The following TIGAR variants were observed in gnomAD, a reference collection of about 807,000 sequenced individuals.
The protein encoded by TIGAR is TP53 induced glycolysis regulatory phosphatase, also known as fructose-2,6-bisphosphatase TIGAR.
In TIGAR, 7 loss-of-function variants were observed where a neutral mutation model predicts 17.9. That is an observed-to-expected ratio of 0.39 (90% CI 0.22 to 0.73). The LOEUF (loss-of-function observed/expected upper bound fraction) is 0.73. TIGAR is among the 30% of genes least tolerant of loss of function. TIGAR has a pLI of 0.42. For missense variants in TIGAR, 258 were observed against 327.4 expected (o/e 0.79, Z 1.64); for synonymous variants, 94 against 108.6 (o/e 0.87, Z 0.84).
At chr12:4,324,692 A>G (rs903909504) in intron 1 of TIGAR, 4 of 928,912 alleles carry the variant, frequency 4.3e-6, no homozygotes, top group African/African-American at 1.6e-5. Context: ...GGCCGCTGGC[A>G]CGCACTGTAC....
At chr12:4,332,238 C>CTTTTCTTTT (rs1555092397) in intron 2 of TIGAR, among the ~76,000 whole-genome samples, 17 of 95,330 alleles carry the variant, frequency 1.8e-4, no homozygotes, top group African/African-American at 6.4e-4. Flanking sequence ...TCATGTATTT[C>CTTTTCTTTT]TTTTTTTTTT....
In TIGAR at chr12:4,359,788, T is replaced by A. The variant is rs1421587606; in HGVS notation, c.*7097T>A. Among the ~76,000 whole-genome samples the A allele has an allele frequency of 6.6e-6, 1 of 152,182 alleles. No homozygotes were observed. The highest frequency in any genetic ancestry group is 1.5e-5 in the Non-Finnish European group (1 of 68,014). On this transcript the variant is annotated 3_prime_UTR_variant, in exon 6 of 6. Coordinates refer to ENST00000179259, the MANE Select transcript of TIGAR (RefSeq NM_020375.3). Reference sequence around the variant, plus strand: ...TTAGTTTTATAAGACACTTGCCAGATCTTTTTCCATGGTGGTTGTACCATT... The same window carrying A: ...TTAGTTTTATAAGACACTTGCCAGAACTTTTTCCATGGTGGTTGTACCATT...
rs1303103731 is a variant in TIGAR, at chr12:4,357,593, G to T, written c.*4902G>T. Among the ~76,000 whole-genome samples, 1 of 152,156 alleles carries T rather than the reference G, an allele frequency of 6.6e-6. No individual in the cohort carries two copies. The highest frequency in any genetic ancestry group is 2.4e-5 in the African/African-American group (1 of 41,418). On this transcript the variant is annotated 3_prime_UTR_variant, in exon 6 of 6. Coordinates refer to ENST00000179259, the MANE Select transcript of TIGAR (RefSeq NM_020375.3). ...AGTTCCTTTGTGTCCAAACAAGATG[G>T]CTAAGTAGGTCGTCATGACAGGTAA...
At chr12:4,340,144 G>A (rs543164405) in intron 3 of TIGAR, among the ~76,000 whole-genome samples, 1 of 152,304 alleles carries the variant, frequency 6.6e-6, no homozygotes, top group East Asian at 1.9e-4. Context: ...GCAGATGATA[G>A]GATCTTATAT....
chr12:4,325,161 C>T lies in TIGAR; in HGVS notation c.32+3858C>T, dbSNP rs1018127255. On this transcript the variant is annotated intron_variant, in intron 1 of 5. Coordinates refer to ENST00000179259, the MANE Select transcript of TIGAR (RefSeq NM_020375.3). ...TTCTCCATTTTGGTCAGGCTGGTCT[C>T]GAACTCCCGACCTCTGGTGATCCGC... 2.0e-5 allele frequency among the ~76,000 whole-genome samples: 3 copies of T among 151,892 alleles called. No homozygotes were observed. The East Asian group carries it at 5.9e-4, about 30-fold the overall frequency.
At chr12:4,327,519 A>G (rs1290304812) in intron 1 of TIGAR, among the ~76,000 whole-genome samples, 1 of 152,136 alleles carries the variant, frequency 6.6e-6, no homozygotes, top group Non-Finnish European at 1.5e-5. Context: ...GCAGCCCATA[A>G]TTGGCTGAAA....
In TIGAR at chr12:4,357,916, A is replaced by T. The variant is rs534645464; in HGVS notation, c.*5225A>T. Among the ~76,000 whole-genome samples, 6 of 151,366 alleles carry T rather than the reference A, an allele frequency of 4.0e-5. No homozygotes were observed. The South Asian group carries it at 8.4e-4, about 21-fold the overall frequency. On this transcript the variant is annotated 3_prime_UTR_variant, in exon 6 of 6. Transcript: ENST00000179259. ...CAGGAGATAGAGACCATCCTGGCTA[A>T]CACAGTGAAACCTCGTCTCCACTGA...
intron 2 of TIGAR, among the ~76,000 whole-genome samples, chr12:4,334,617 T>G (rs760874119): frequency 6.6e-6 from 1 of 152,256 alleles, no homozygotes; most frequent in Admixed American, 6.5e-5. Context: ...GGCATTTAAA[T>G]TTATGAATAT....
chr12:4,335,929 TG>T (rs1295982891), intron 2 of TIGAR, among the ~76,000 whole-genome samples: 2 of 152,258 alleles, frequency 1.3e-5, no homozygotes, highest in African/African-American at 2.4e-5. Context: ...AAGATCTATT[TG>T]GTTATTTTAG....
intron 3 of TIGAR, among the ~76,000 whole-genome samples, chr12:4,341,972 A>C (rs993289577): frequency 6.6e-6 from 1 of 152,222 alleles, no homozygotes; most frequent in Admixed American, 6.5e-5. Context: ...CATTGCAAAG[A>C]AGTTAAAAAC....
intron 3 of TIGAR, among the ~76,000 whole-genome samples, chr12:4,347,029 G>C (rs1161022371): frequency 6.6e-6 from 1 of 152,142 alleles, no homozygotes; most frequent in Non-Finnish European, 1.5e-5. Flanking sequence ...GCTACCATGT[G>C]ATCCAGAAGT....
At chr12:4,348,739 G>T (rs1864807261) in intron 3 of TIGAR, among the ~76,000 whole-genome samples, 1 of 152,180 alleles carries the variant, frequency 6.6e-6, no homozygotes, top group Non-Finnish European at 1.5e-5. Flanking sequence ...TGTCTAATTT[G>T]TTGGGAAATG....
At chr12:4,339,976 A>G (rs1864702026) in intron 3 of TIGAR, among the ~76,000 whole-genome samples, 1 of 152,238 alleles carries the variant, frequency 6.6e-6, no homozygotes, top group Admixed American at 6.5e-5. Context: ...GAGTGAGGAG[A>G]AACTGAAAGC....
rs1163037154 is a variant in TIGAR, at chr12:4,354,873, A to C, written c.*2182A>C. ...CAGCCTCCTGAGTAGCTGGGACTAC[A>C]GGCATGCACCACCACGCCTGGCCTT... On this transcript the variant is annotated 3_prime_UTR_variant, in exon 6 of 6. Coordinates refer to ENST00000179259, the MANE Select transcript of TIGAR (RefSeq NM_020375.3). Among the ~76,000 whole-genome samples, 1 of 150,038 alleles carries C rather than the reference A, an allele frequency of 6.7e-6. No individual in the cohort carries two copies. The highest frequency in any genetic ancestry group is 1.5e-5 in the Non-Finnish European group (1 of 67,778).
rs78482314 is a variant in TIGAR at position 4,330,113 on chromosome 12, C to T, written c.33-1167C>T. 9.3e-3 allele frequency among the ~76,000 whole-genome samples: 1,416 copies of T among 152,104 alleles called. 18 individuals carry two copies. The highest frequency in any genetic ancestry group is 0.032 in the African/African-American group (1,308 of 41,474). On this transcript the variant is annotated intron_variant, in intron 1 of 5. Coordinates refer to ENST00000179259, the MANE Select transcript of TIGAR (RefSeq NM_020375.3). The stretch of plus-strand genomic sequence containing the variant: ...TTTTTGTAAACAAGCGGCAAGATTC[C>T]AGGATGAGGCCTGAGTTTGTGATTC...
In TIGAR at chr12:4,321,267, G is replaced by T; in HGVS notation, c.-5G>T. 6.2e-7 allele frequency: 1 copy of T among 1,601,192 alleles called. No homozygotes were observed. ...GGGCCACCGACGGGACGCGGCTCCG[G>T]GAACATGGCTCGCTTCGCTCTGACT... On this transcript the variant is annotated 5_prime_UTR_variant, in exon 1 of 6. Coordinates refer to ENST00000179259, the MANE Select transcript of TIGAR (RefSeq NM_020375.3). The surrounding 1 kb of genome is among the most constrained non-coding windows in gnomAD (Gnocchi z 5.2).
chr12:4,339,043 A>G (rs1353718787), intron 3 of TIGAR, among the ~76,000 whole-genome samples: 1 of 151,614 alleles, frequency 6.6e-6, no homozygotes, highest in East Asian at 1.9e-4. Flanking sequence ...ATCCAAAATT[A>G]TTAGAAGAAA....
At chr12:4,327,347 T>G (rs1363528699) in intron 1 of TIGAR, among the ~76,000 whole-genome samples, 1 of 147,448 alleles carries the variant, frequency 6.8e-6, no homozygotes, top group Non-Finnish European at 1.5e-5. Context: ...AGTTGGAGAT[T>G]GCAGTGAGCC....
chr12:4,342,219 A>G (rs565400879), intron 3 of TIGAR, among the ~76,000 whole-genome samples: 1 of 152,360 alleles, frequency 6.6e-6, no homozygotes, highest in South Asian at 2.1e-4. Context: ...AAAGCCTCCA[A>G]GAAATATGGG....
Sources: allele counts gnomAD v4.1 joint callset (sites outside exome capture counted in the v4.1 genomes callset), GRCh38; gene constraint gnomAD v4.1.1; non-coding constraint Gnocchi (gnomAD v3.1); transcripts MANE v1.5; gene names NCBI Gene and HGNC (gene_info 2026-07-23, HGNC 2026-07-21).